CDH18: variants seen among roughly 807,000 people sequenced by gnomAD.
The protein encoded by CDH18 is cadherin 18, also known as cadherin-18.
A neutral mutation model predicts 67.9 loss-of-function variants in CDH18; 31 were observed. The ratio of observed to expected loss-of-function variants is 0.46; its 90% CI spans 0.34 to 0.62. The LOEUF (loss-of-function observed/expected upper bound fraction) is 0.62. Ranked by LOEUF, CDH18 falls within the 20% of genes least tolerant of loss-of-function variation. CDH18 has a pLI of 0.01. For synonymous variants in CDH18, 362 were observed against 347.2 expected, an observed-to-expected ratio of 1.04 and a Z score of -0.48; for missense variants, 890 against 975.5, an observed-to-expected ratio of 0.91 and a Z score of 1.17.
intron 2 of CDH18, among the ~76,000 whole-genome samples, chr5:20,255,135 G>A (rs1252472497): frequency 6.6e-6 from 1 of 152,132 alleles, no homozygotes; most frequent in African/African-American, 2.4e-5. Flanking sequence ...GGAAGAGGGA[G>A]GGAAGGAGAG....
At chr5:20,247,794 G>A (rs867584051) in intron 2 of CDH18, among the ~76,000 whole-genome samples, 1 of 149,702 alleles carries the variant, frequency 6.7e-6, no homozygotes, top group African/African-American at 2.4e-5. Context: ...TTAGGAAAAC[G>A]ACAAGTCTAA....
chr5:19,855,075 C>A (rs1784121274), intron 2 of CDH18, among the ~76,000 whole-genome samples: 1 of 151,886 alleles, frequency 6.6e-6, no homozygotes, highest in East Asian at 1.9e-4. Flanking sequence ...GACAAGATTT[C>A]ATTCTTTTTT....
intron 9 of CDH18, 83 bp downstream of exon 9, chr5:19,543,786 A>C: frequency 1.1e-6 from 1 of 933,470 alleles, no homozygotes; most frequent in Non-Finnish European, 1.6e-6. Flanking sequence ...AATAAAGATT[A>C]TGAGAGCCCT....
At chr5:20,104,165 TG>T (rs1304975660) in intron 2 of CDH18, among the ~76,000 whole-genome samples, 1 of 151,392 alleles carries the variant, frequency 6.6e-6, no homozygotes, top group Non-Finnish European at 1.5e-5. Context: ...TATTATATAT[TG>T]ATAGATATAT....
chr5:19,885,784 C>A (rs1439416765), intron 2 of CDH18, among the ~76,000 whole-genome samples: 1 of 152,106 alleles, frequency 6.6e-6, no homozygotes, highest in African/African-American at 2.4e-5. Context: ...TTAAATACAG[C>A]TATTTTTCAT....
chr5:20,571,036 T>G (rs1397301774), intron 1 of CDH18, among the ~76,000 whole-genome samples: 2 of 152,158 alleles, frequency 1.3e-5, no homozygotes, highest in Non-Finnish European at 2.9e-5. Context: ...ACATGAGTCC[T>G]CTTGTTTCCT....
chr5:20,334,845 T>TA (rs1317949831), intron 1 of CDH18, among the ~76,000 whole-genome samples: 6 of 151,550 alleles, frequency 4.0e-5, no homozygotes, highest in Non-Finnish European at 7.4e-5. Flanking sequence ...TCTTGTCAGA[T>TA]ACTCCAGACT....
At chr5:20,292,657 G>C (rs1010623209) in intron 1 of CDH18, among the ~76,000 whole-genome samples, 1 of 152,140 alleles carries the variant, frequency 6.6e-6, no homozygotes, top group Non-Finnish European at 1.5e-5. Flanking sequence ...AAGGACATGG[G>C]AGGAGAACGT....
chr5:20,570,122 G>T (rs1323373762), intron 1 of CDH18, among the ~76,000 whole-genome samples: 2 of 152,116 alleles, frequency 1.3e-5, no homozygotes, highest in Non-Finnish European at 2.9e-5. Context: ...TTATATGTTT[G>T]TCAAAATTTA....
chr5:19,720,541 T>G (rs1765951597), intron 5 of CDH18, among the ~76,000 whole-genome samples: 1 of 152,164 alleles, frequency 6.6e-6, no homozygotes, highest in African/African-American at 2.4e-5. Flanking sequence ...TGATTGTCAA[T>G]GGGGACATGT....
chr5:20,013,560 T>C (rs1025933241), intron 2 of CDH18, among the ~76,000 whole-genome samples: 12 of 152,096 alleles, frequency 7.9e-5, no homozygotes, highest in African/African-American at 2.7e-4. Flanking sequence ...TTTATTTATA[T>C]ATTTATATTG....
chr5:20,559,117 A>G (rs1758066774), intron 1 of CDH18, among the ~76,000 whole-genome samples: 1 of 151,360 alleles, frequency 6.6e-6, no homozygotes, highest in African/African-American at 2.4e-5. Context: ...CTCATATTGT[A>G]TTTTAGCACA....
chr5:19,826,285 A>G (rs2149971962), intron 3 of CDH18, among the ~76,000 whole-genome samples: 1 of 152,280 alleles, frequency 6.6e-6, no homozygotes, highest in Middle Eastern at 3.4e-3. Context: ...AAGAGAAATC[A>G]AGCAACTTGG....
At chr5:20,172,230 A>ATATATGTATATATATAAACG (rs1233845934) in intron 2 of CDH18, among the ~76,000 whole-genome samples, 1 of 96,678 alleles carries the variant, frequency 1.0e-5, no homozygotes, top group African/African-American at 3.9e-5. Flanking sequence ...ATATGTATAT[A>ATATATGTATATATATAAACG]TATATATATG....
At chr5:19,810,637 CTTAA>C (rs1439838368) in intron 3 of CDH18, among the ~76,000 whole-genome samples, 1 of 151,726 alleles carries the variant, frequency 6.6e-6, no homozygotes, top group Non-Finnish European at 1.5e-5. Flanking sequence ...ATATAATATA[CTTAA>C]TTATATTTTT....
chr5:20,556,963 G>C (rs1757938444), intron 1 of CDH18, among the ~76,000 whole-genome samples: 1 of 151,932 alleles, frequency 6.6e-6, no homozygotes. Flanking sequence ...ATATACTCTG[G>C]GGATGGAAAA....
intron 1 of CDH18, among the ~76,000 whole-genome samples, chr5:20,387,752 A>C (rs1744434330): frequency 6.6e-6 from 1 of 152,084 alleles, no homozygotes; most frequent in African/African-American, 2.4e-5. Context: ...ATTGATACCT[A>C]ATTTATTGAG....
intron 1 of CDH18, among the ~76,000 whole-genome samples, chr5:20,462,770 T>G (rs1233547049): frequency 1.3e-5 from 2 of 152,154 alleles, no homozygotes; most frequent in Non-Finnish European, 2.9e-5. Flanking sequence ...ATTGCACAGA[T>G]AAGAAATCTG....
intron 5 of CDH18, among the ~76,000 whole-genome samples, chr5:19,619,207 T>C (rs1223721559): frequency 4.6e-5 from 7 of 152,178 alleles, no homozygotes; most frequent in African/African-American, 1.2e-4. Context: ...CATTGGCAAT[T>C]CGAAGTGTGC....
Sources: allele counts gnomAD v4.1 joint callset (sites outside exome capture counted in the v4.1 genomes callset), GRCh38; gene constraint gnomAD v4.1.1; transcripts MANE v1.5; gene names NCBI Gene and HGNC (gene_info 2026-07-23, HGNC 2026-07-21).